Variants in SPOCK3 observed in about 807,000 individuals in gnomAD.
The protein encoded by SPOCK3 is SPARC (osteonectin), cwcv and kazal like domains proteoglycan 3, also known as testican-3.
A neutral mutation model predicts 56.6 loss-of-function variants in SPOCK3; 30 were observed. That is an observed-to-expected ratio of 0.53 (90% CI 0.40 to 0.72). SPOCK3 has a LOEUF of 0.72. Ranked by LOEUF, SPOCK3 falls within the 30% of genes least tolerant of loss-of-function variation. SPOCK3 has a pLI of 0.00. For synonymous variants in SPOCK3, 196 were observed against 183.3 expected, an observed-to-expected ratio of 1.07 and a Z score of -0.56; for missense variants, 527 against 530.0, an observed-to-expected ratio of 0.99 and a Z score of 0.06.
At chr4:167,154,386 G>A (rs10008797) in intron 2 of SPOCK3, among the ~76,000 whole-genome samples, 18,402 of 151,952 alleles carry the variant, frequency 0.12, 1,302 homozygotes, top group Admixed American at 0.18. Context: ...AGGCCCCAGC[G>A]CAAAGCATAC....
chr4:167,196,208 T>G (rs552770845), intron 2 of SPOCK3, among the ~76,000 whole-genome samples: 2 of 152,268 alleles, frequency 1.3e-5, no homozygotes, highest in African/African-American at 4.8e-5. Flanking sequence ...CCTAGCACCC[T>G]GGTATATAAA....
chr4:166,752,942 T>G (rs900126035), intron 8 of SPOCK3, among the ~76,000 whole-genome samples: 1 of 151,810 alleles, frequency 6.6e-6, no homozygotes, highest in Non-Finnish European at 1.5e-5. Context: ...TTAAATGACC[T>G]CAGAGAGTAA....
chr4:167,212,512 A>G (rs2111039746), intron 2 of SPOCK3, among the ~76,000 whole-genome samples: 1 of 152,240 alleles, frequency 6.6e-6, no homozygotes, highest in African/African-American at 2.4e-5. Context: ...AAGTGCTGGG[A>G]TTACAGGCGG....
intron 4 of SPOCK3, among the ~76,000 whole-genome samples, chr4:166,934,454 C>T (rs1487669735): frequency 1.3e-5 from 2 of 151,826 alleles, no homozygotes; most frequent in Admixed American, 1.3e-4. Flanking sequence ...GCCGAGATCG[C>T]GCCACTGCGC....
chr4:166,784,252 A>G (rs113541030), intron 7 of SPOCK3, among the ~76,000 whole-genome samples: 45 of 152,184 alleles, frequency 3.0e-4, no homozygotes, highest in African/African-American at 9.6e-4. Flanking sequence ...GTAATTTCTC[A>G]GGACACGATA....
chr4:167,204,770 G>C (rs1580611487), intron 2 of SPOCK3, among the ~76,000 whole-genome samples: 1 of 151,754 alleles, frequency 6.6e-6, no homozygotes, highest in East Asian at 1.9e-4. Flanking sequence ...TTTTTTTTCG[G>C]GGTGGGGGGC....
At chr4:167,121,171 T>C (rs1761835433) in intron 2 of SPOCK3, among the ~76,000 whole-genome samples, 1 of 150,826 alleles carries the variant, frequency 6.6e-6, no homozygotes, top group Non-Finnish European at 1.5e-5. Flanking sequence ...TTAAATAATA[T>C]ATAATTTATA....
At chr4:166,799,281 TG>T (rs1742294545) in intron 6 of SPOCK3, among the ~76,000 whole-genome samples, 1 of 152,220 alleles carries the variant, frequency 6.6e-6, no homozygotes, top group African/African-American at 2.4e-5. Context: ...GGCTTATTGT[TG>T]ATAATGCTCC....
chr4:167,164,317 T>C lies in SPOCK3; in HGVS notation c.189+69668A>G, dbSNP rs1765573069. On this transcript the variant is annotated intron_variant, in intron 2 of 10. Transcript: ENST00000357545. ...TTTATGATTAATGTGATTATATTACTCTGAAATTTAAAAGTATTTATTTGT... is the reference window on the plus strand; with the variant it reads ...TTTATGATTAATGTGATTATATTACCCTGAAATTTAAAAGTATTTATTTGT... Among the ~76,000 whole-genome samples the C allele has an allele frequency of 2.0e-5, 3 of 152,158 alleles. No individual in the cohort carries two copies. In the South Asian group the frequency reaches 6.2e-4, roughly 31 times the overall value.
intron 8 of SPOCK3, 36 bp downstream of exon 8, chr4:166,754,472 T>C (rs1447967802): frequency 1.5e-5 from 23 of 1,581,742 alleles, no homozygotes; most frequent in Non-Finnish European, 2.0e-5. Context: ...GACATGCAGG[T>C]CAACTATTTG....
chr4:166,799,541 G>T (rs1666455839), intron 6 of SPOCK3, among the ~76,000 whole-genome samples: 1 of 152,128 alleles, frequency 6.6e-6, no homozygotes, highest in Non-Finnish European at 1.5e-5. Flanking sequence ...ATAGGGTGAT[G>T]TTGCGAAGGA....
At chr4:166,983,392 A>C (rs1434645090) in intron 4 of SPOCK3, among the ~76,000 whole-genome samples, 1 of 152,008 alleles carries the variant, frequency 6.6e-6, no homozygotes, top group Non-Finnish European at 1.5e-5. Context: ...CTATGACCTC[A>C]ACTTTGTTAG....
chr4:166,868,282 C>CA (rs139477830), intron 6 of SPOCK3, among the ~76,000 whole-genome samples: 11,155 of 129,802 alleles, frequency 0.086, 508 homozygotes, highest in Non-Finnish European at 0.11. Context: ...CTTATCTCTA[C>CA]AAAAAAAAAG....
At chr4:166,999,177 C>G (rs930519740) in intron 4 of SPOCK3, among the ~76,000 whole-genome samples, 4 of 152,138 alleles carry the variant, frequency 2.6e-5, no homozygotes, top group Admixed American at 6.6e-5. Context: ...TCTCTCTGTT[C>G]CACGAGTACA....
intron 6 of SPOCK3, among the ~76,000 whole-genome samples, chr4:166,842,505 A>G (rs541744184): frequency 1.3e-5 from 2 of 152,076 alleles, no homozygotes; most frequent in African/African-American, 2.4e-5. Flanking sequence ...TGATTGGTGC[A>G]TTTACAAACC....
chr4:167,219,452 A>C (rs546109111), intron 2 of SPOCK3, among the ~76,000 whole-genome samples: 3 of 152,324 alleles, frequency 2.0e-5, no homozygotes, highest in Non-Finnish European at 4.4e-5. Flanking sequence ...CTATCAAATT[A>C]CTATTTTTAG....
intron 2 of SPOCK3, among the ~76,000 whole-genome samples, chr4:167,170,101 A>T (rs2150463882): frequency 6.6e-6 from 1 of 152,272 alleles, no homozygotes; most frequent in South Asian, 2.1e-4. Context: ...CAAACAGTAT[A>T]TTTAATAATG....
Position 167,216,829 on chromosome 4 carries a change from G to A in SPOCK3, c.189+17156C>T, listed in dbSNP as rs530266382. Among the ~76,000 whole-genome samples, 4 of 152,068 alleles carry A rather than the reference G, an allele frequency of 2.6e-5. No individual in the cohort carries two copies. The East Asian group carries it at 7.7e-4, about 29-fold the overall frequency. ...AGATATCCTCAAATTCTGAGTTTCTGCGCCCCAAAATAATTAAGGATTTTT... is the reference window on the plus strand; with the variant it reads ...AGATATCCTCAAATTCTGAGTTTCTACGCCCCAAAATAATTAAGGATTTTT... On this transcript the variant is annotated intron_variant, in intron 2 of 10. Coordinates refer to ENST00000357545, the MANE Select transcript of SPOCK3 (RefSeq NM_001040159.2).
intron 6 of SPOCK3, among the ~76,000 whole-genome samples, chr4:166,841,737 T>C: frequency 6.6e-6 from 1 of 152,236 alleles, no homozygotes. Context: ...TAAGAACTTC[T>C]CCAACACTCC....
Sources: gnomAD v4.1 joint callset for allele counts (sites outside exome capture counted in the v4.1 genomes callset) on GRCh38, gnomAD v4.1.1 for gene constraint, MANE v1.5 for transcripts, NCBI Gene and HGNC (gene_info 2026-07-23, HGNC 2026-07-21) for gene names.